Variants in FBXO16 observed in about 807,000 individuals in gnomAD.
FBXO16 encodes F-box only protein 16.
In FBXO16, 31 loss-of-function variants were observed where a neutral mutation model predicts 41.0. That is an observed-to-expected ratio of 0.76 (90% CI 0.57 to 1.02). The LOEUF (loss-of-function observed/expected upper bound fraction) is 1.02. FBXO16 is among the 50% of genes least tolerant of loss of function. The probability of loss-of-function intolerance (pLI) is 0.00; values close to 1 mark genes in which losing one functional copy is unlikely to be tolerated. For missense variants in FBXO16, 361 were observed against 346.2 expected, an observed-to-expected ratio of 1.04 and a Z score of -0.34; for synonymous variants, 133 against 117.8, an observed-to-expected ratio of 1.13 and a Z score of -0.84.
intron 7 of FBXO16, among the ~76,000 whole-genome samples, chr8:28,435,757 G>A (rs1473125739): frequency 6.6e-6 from 1 of 152,110 alleles, no homozygotes; most frequent in African/African-American, 2.4e-5. Flanking sequence ...GGATCAATCA[G>A]GGGAAAGCAC....
intron 7 of FBXO16, among the ~76,000 whole-genome samples, chr8:28,441,946 ATTT>A (rs1216726136): frequency 8.1e-5 from 6 of 73,880 alleles, no homozygotes; most frequent in South Asian, 9.7e-4. Context: ...GTGTGTGTGT[ATTT>A]TTTTTTTTTT....
chr8:28,461,894 T>C (rs1803140102), intron 4 of FBXO16, among the ~76,000 whole-genome samples: 2 of 151,720 alleles, frequency 1.3e-5, no homozygotes, highest in South Asian at 2.1e-4. Flanking sequence ...CCTACTGAAA[T>C]TTTTTTTTCC....
intron 7 of FBXO16, among the ~76,000 whole-genome samples, chr8:28,437,685 C>T (rs1802707039): frequency 6.6e-6 from 1 of 152,126 alleles, no homozygotes; most frequent in African/African-American, 2.4e-5. Flanking sequence ...ACAGCCTGGG[C>T]AACATAGTGA....
In FBXO16 at chr8:28,453,469, G is replaced by A. The variant is rs940981524; in HGVS notation, c.508-993C>T. ...CTCAACCACTCCCAAAGAATACTTTGCTTTAATCTCCAAAACTGAAAGCCT... is the reference window on the plus strand; with the variant it reads ...CTCAACCACTCCCAAAGAATACTTTACTTTAATCTCCAAAACTGAAAGCCT... On this transcript the variant is annotated intron_variant, in intron 5 of 8. Transcript: ENST00000380254. Among the ~76,000 whole-genome samples, 5 of 151,888 alleles carry A rather than the reference G, an allele frequency of 3.3e-5. 1 individual carries two copies. Among genetic ancestry groups the A allele is most frequent in the African/African-American group, 1.2e-4 (5 of 41,194 alleles).
intron 3 of FBXO16, among the ~76,000 whole-genome samples, chr8:28,466,305 C>T (rs1803238662): frequency 6.6e-6 from 1 of 152,152 alleles, no homozygotes. Context: ...CTATTCACTA[C>T]TATAGATTTA....
rs148920625 is a variant in FBXO16 at position 28,456,555 on chromosome 8, G to A, written c.507+211C>T. The A allele has an allele frequency of 3.4e-5, 18 of 525,500 alleles. No homozygotes were observed. The East Asian group carries it at 4.8e-4, about 14-fold the overall frequency. 32.6% of individuals were successfully genotyped at this position (525,500 alleles called of 1,614,324 possible). A position where few individuals can be genotyped will look rare whatever the true frequency, so the allele number is the denominator to read the frequency against. ...TGGTCCTAACCGCCGGGATGCAACT[G>A]TGGTTTGGGAGTGGCAAATGAGGGC... is the stretch of plus-strand genomic sequence containing the variant. On this transcript the variant is annotated intron_variant, in intron 5 of 8. Transcript: ENST00000380254.
intron 1 of FBXO16, among the ~76,000 whole-genome samples, chr8:28,488,027 ATT>A (rs1803630434): frequency 6.6e-6 from 1 of 150,576 alleles, no homozygotes; most frequent in South Asian, 2.1e-4. Flanking sequence ...TAATTTTTGT[ATT>A]TTTAGTAGAG....
chr8:28,428,555 C>T lies in FBXO16; in HGVS notation c.*172G>A, dbSNP rs1802560655. The T allele has an allele frequency of 2.1e-5, 33 of 1,547,730 alleles. No homozygotes were observed. In the East Asian group the frequency reaches 8.1e-4, roughly 38 times the overall value. ...TGTCATTTCTATAATAAAAGTCTTT[C>T]CATGTTCAGTCCACTTTGGCTCTGG... On this transcript the variant is annotated 3_prime_UTR_variant, in exon 9 of 9. Transcript: ENST00000380254.
chr8:28,429,410 G>T lies in FBXO16; in HGVS notation c.844-7C>A, dbSNP rs374589265. On this transcript the variant is annotated splice_region_variant and splice_polypyrimidine_tract_variant and intron_variant, in intron 7 of 8. Coordinates refer to ENST00000380254, the MANE Select transcript of FBXO16 (RefSeq NM_172366.4). ...AGGGATTTCTCCTCGACATCTGGCC[G>T]CGAGCAGGAAAGGGAAGAGAATGGA... 1 of 1,613,894 alleles carries T rather than the reference G, an allele frequency of 6.2e-7. No homozygotes were observed. Among genetic ancestry groups the T allele is most frequent in the Non-Finnish European group, 8.5e-7 (1 of 1,179,882 alleles).
chr8:28,463,494 G>T, intron 4 of FBXO16, 118 bp downstream of exon 4: 2 of 947,058 alleles, frequency 2.1e-6, no homozygotes, highest in Non-Finnish European at 3.2e-6. Flanking sequence ...GTGTTTGTGT[G>T]TATGTGTATA....
At chr8:28,443,930 C>A (rs191296251) in intron 7 of FBXO16, among the ~76,000 whole-genome samples, 36 of 152,294 alleles carry the variant, frequency 2.4e-4, no homozygotes, top group African/African-American at 7.5e-4. Flanking sequence ...AATAATCCAC[C>A]CCTTGTTTAG....
chr8:28,452,847 TATAATA>T (rs770819079), intron 5 of FBXO16, among the ~76,000 whole-genome samples: 9 of 151,434 alleles, frequency 5.9e-5, no homozygotes, highest in Non-Finnish European at 1.2e-4. Context: ...AACCACACAC[TATAATA>T]ATAATAACAA....
At chr8:28,459,730 T>TA (rs1336665530) in intron 4 of FBXO16, among the ~76,000 whole-genome samples, 2 of 151,406 alleles carry the variant, frequency 1.3e-5, no homozygotes, top group Non-Finnish European at 2.9e-5. Context: ...TATGTTCTTT[T>TA]AAAAAATCAT....
At chr8:28,466,929 T>C (rs1049550421) in intron 3 of FBXO16, among the ~76,000 whole-genome samples, 5 of 151,904 alleles carry the variant, frequency 3.3e-5, no homozygotes, top group African/African-American at 1.2e-4. Context: ...TGGAATTCAT[T>C]TTACTTATTT....
chr8:28,444,769 C>T (rs984703758), intron 7 of FBXO16, among the ~76,000 whole-genome samples: 19 of 145,146 alleles, frequency 1.3e-4, no homozygotes, highest in African/African-American at 3.4e-4. Context: ...TGTGAGCCAC[C>T]GCGCCCGGAC....
At chr8:28,460,246 T>TATATATATATA (rs58128827) in intron 4 of FBXO16, among the ~76,000 whole-genome samples, 1 of 66,692 alleles carries the variant, frequency 1.5e-5, no homozygotes, top group Non-Finnish European at 2.5e-5. Context: ...TATATATATA[T>TATATATATATA]TTTTTTTTTT....
chr8:28,464,493 G>T (rs1460884633), intron 3 of FBXO16, among the ~76,000 whole-genome samples: 1 of 151,402 alleles, frequency 6.6e-6, no homozygotes, highest in East Asian at 1.9e-4. Context: ...AAAACCAAAA[G>T]AGAAAAAGGG....
intron 7 of FBXO16, among the ~76,000 whole-genome samples, chr8:28,441,715 A>T (rs1802778928): frequency 6.7e-6 from 1 of 148,586 alleles, no homozygotes; most frequent in Non-Finnish European, 1.5e-5. Context: ...CAGCCTGGGC[A>T]ACAAGAGTGA....
At chr8:28,440,563 C>T (rs1254600283) in intron 7 of FBXO16, among the ~76,000 whole-genome samples, 1 of 151,942 alleles carries the variant, frequency 6.6e-6, no homozygotes, top group Non-Finnish European at 1.5e-5. Flanking sequence ...TGTGTGGTTC[C>T]CCCCCACCCC....
Sources: gnomAD v4.1 joint callset for allele counts (sites outside exome capture counted in the v4.1 genomes callset) on GRCh38, gnomAD v4.1.1 for gene constraint, MANE v1.5 for transcripts, NCBI Gene and HGNC (gene_info 2026-07-23, HGNC 2026-07-21) for gene names.